The following SLC24A2 variants were observed in gnomAD, a reference collection of about 807,000 sequenced individuals.
SLC24A2 encodes sodium/potassium/calcium exchanger 2.
SLC24A2 carries 36 observed loss-of-function variants against 62.0 expected under a neutral mutation model. That is an observed-to-expected ratio of 0.58 (90% CI 0.44 to 0.77). SLC24A2 has a LOEUF of 0.77. Ranked by LOEUF, SLC24A2 falls within the 30% of genes least tolerant of loss-of-function variation. The pLI is 0.00. For missense variants in SLC24A2, 846 were observed against 817.9 expected (o/e 1.03, Z -0.42); for synonymous variants, 358 against 294.0 (o/e 1.22, Z -2.23).
intron 9 of SLC24A2, among the ~76,000 whole-genome samples, chr9:19,527,820 G>C (rs111865918): frequency 3.9e-5 from 6 of 152,288 alleles, no homozygotes; most frequent in African/African-American, 1.2e-4. Flanking sequence ...AGTTAGACTT[G>C]CCTGCCTCCA....
chr9:19,542,926 G>T (rs1057505993), intron 8 of SLC24A2, among the ~76,000 whole-genome samples: 1 of 152,120 alleles, frequency 6.6e-6, no homozygotes, highest in Admixed American at 6.5e-5. Flanking sequence ...GGCAGGTTTT[G>T]GTATCAGGAT....
At chr9:19,583,840 G>A (rs896592524) in intron 5 of SLC24A2, among the ~76,000 whole-genome samples, 1 of 152,152 alleles carries the variant, frequency 6.6e-6, no homozygotes, top group Admixed American at 6.6e-5. Context: ...CTTTCCATAG[G>A]ACAGAAGGTT....
At chr9:20,050,285 G>A in the SLC24A2 span, among the ~76,000 whole-genome samples, 1 of 151,184 alleles carries the variant, frequency 6.6e-6, no homozygotes, top group Non-Finnish European at 1.5e-5. Context: ...TCATGGTGGT[G>A]CATGCTTGTA....
intron 2 of SLC24A2, among the ~76,000 whole-genome samples, chr9:19,653,755 G>T (rs1202003581): frequency 1.3e-5 from 2 of 152,126 alleles, no homozygotes; most frequent in Non-Finnish European, 2.9e-5. Context: ...TACATGGTAT[G>T]TTTGTGGAAT....
At chr9:19,827,155 C>A in the SLC24A2 span, among the ~76,000 whole-genome samples, 12 of 152,136 alleles carry the variant, frequency 7.9e-5, no homozygotes. Flanking sequence ...AACACACACA[C>A]AAGGCTGAGA....
chr9:19,919,884 C>T, the SLC24A2 span, among the ~76,000 whole-genome samples: 10 of 152,176 alleles, frequency 6.6e-5, no homozygotes, highest in East Asian at 1.4e-3. Context: ...GGGTCCCTGC[C>T]GTGACATGCT....
the SLC24A2 span, among the ~76,000 whole-genome samples, chr9:19,990,931 ATATATG>A: frequency 2.5e-5 from 3 of 119,494 alleles, no homozygotes; most frequent in Admixed American, 7.9e-5. Flanking sequence ...GGATATATAT[ATATATG>A]TATGTATATG....
the SLC24A2 span, among the ~76,000 whole-genome samples, chr9:19,810,821 G>A: frequency 6.6e-6 from 1 of 152,076 alleles, no homozygotes; most frequent in Non-Finnish European, 1.5e-5. Context: ...GAGGTCCAAA[G>A]AAAGAAATGT....
the SLC24A2 span, among the ~76,000 whole-genome samples, chr9:20,279,871 A>G: frequency 6.6e-6 from 1 of 152,168 alleles, no homozygotes; most frequent in Non-Finnish European, 1.5e-5. Context: ...ACACACTCTC[A>G]TTGTTATCGA....
the SLC24A2 span, among the ~76,000 whole-genome samples, chr9:19,892,081 G>A: frequency 6.6e-6 from 1 of 152,056 alleles, no homozygotes; most frequent in Non-Finnish European, 1.5e-5. Flanking sequence ...GCCAACATGG[G>A]CCTTCTTTTT....
the SLC24A2 span, among the ~76,000 whole-genome samples, chr9:20,106,118 G>T: frequency 6.6e-6 from 1 of 152,174 alleles, no homozygotes; most frequent in African/African-American, 2.4e-5. Flanking sequence ...TAAATTCCTT[G>T]ACACTTACAC....
At chr9:20,030,663 T>A in the SLC24A2 span, among the ~76,000 whole-genome samples, 1 of 152,248 alleles carries the variant, frequency 6.6e-6, no homozygotes, top group Admixed American at 6.5e-5. Context: ...CTTTTCAGTA[T>A]GTGCCAGGTG....
the SLC24A2 span, among the ~76,000 whole-genome samples, chr9:20,078,755 C>A: frequency 6.6e-6 from 1 of 152,162 alleles, no homozygotes; most frequent in Non-Finnish European, 1.5e-5. Context: ...CCTAAAGAAT[C>A]TTTCCTCCAA....
At chr9:19,623,790 C>A (rs1240548558) in intron 2 of SLC24A2, among the ~76,000 whole-genome samples, 2 of 151,892 alleles carry the variant, frequency 1.3e-5, no homozygotes, top group African/African-American at 4.8e-5. Context: ...GTGTTTTTTT[C>A]CCCCTTCTGG....
the SLC24A2 span, among the ~76,000 whole-genome samples, chr9:20,248,682 T>C: frequency 6.6e-6 from 1 of 152,162 alleles, no homozygotes; most frequent in Non-Finnish European, 1.5e-5. Context: ...GGGGGCCACA[T>C]TCAGTCTACA....
At chr9:19,815,959 CTTTTTTTTTT>C in the SLC24A2 span, among the ~76,000 whole-genome samples, 1 of 103,428 alleles carries the variant, frequency 9.7e-6, no homozygotes, top group Non-Finnish European at 1.9e-5. Context: ...TTTTTTGCCC[CTTTTTTTTTT>C]TTTTTTTTTT....
intron 2 of SLC24A2, among the ~76,000 whole-genome samples, chr9:19,755,120 C>T (rs1822100990): frequency 6.6e-6 from 1 of 152,134 alleles, no homozygotes; most frequent in African/African-American, 2.4e-5. Context: ...GGGCTTAAAT[C>T]CTGGTCCCGC....
chr9:19,708,406 T>C (rs1820602320), intron 2 of SLC24A2, among the ~76,000 whole-genome samples: 1 of 152,152 alleles, frequency 6.6e-6, no homozygotes, highest in Non-Finnish European at 1.5e-5. Context: ...AAAAAACTAC[T>C]TTAAAGTTCA....
At chr9:20,000,223 A>C in the SLC24A2 span, among the ~76,000 whole-genome samples, 1 of 152,352 alleles carries the variant, frequency 6.6e-6, no homozygotes, top group South Asian at 2.1e-4. Flanking sequence ...CTTTTGAAGT[A>C]CCATTAGGTG....
Sources: gnomAD v4.1 joint callset for allele counts (sites outside exome capture counted in the v4.1 genomes callset) on GRCh38, gnomAD v4.1.1 for gene constraint, MANE v1.5 for transcripts, NCBI Gene and HGNC (gene_info 2026-07-23, HGNC 2026-07-21) for gene names.